The following PRKG1 variants were observed in gnomAD, a reference collection of about 807,000 sequenced individuals.
PRKG1 encodes protein kinase cGMP-dependent 1, also known as cGMP-dependent protein kinase 1.
PRKG1 carries 35 observed loss-of-function variants against 88.1 expected under a neutral mutation model. The observed-to-expected ratio is 0.40, with a 90% confidence interval of 0.30 to 0.53. The LOEUF (loss-of-function observed/expected upper bound fraction) is 0.53, where lower values mean the gene tolerates loss of function less well. Among genes scored for constraint, PRKG1 ranks in the 20% least tolerant of loss-of-function variants. The pLI is 0.59. For missense variants in PRKG1, 540 were observed against 839.8 expected (o/e 0.64, Z 4.41); for synonymous variants, 303 against 292.5 (o/e 1.04, Z -0.37).
chr10:52,114,027 A>G (rs1469723467), intron 7 of PRKG1, among the ~76,000 whole-genome samples: 1 of 152,150 alleles, frequency 6.6e-6, no homozygotes, highest in Non-Finnish European at 1.5e-5. Context: ...TCAGATACAG[A>G]AGCATAAAAT....
intron 3 of PRKG1, among the ~76,000 whole-genome samples, chr10:51,765,982 C>A (rs188464001): frequency 1.6e-4 from 24 of 152,096 alleles, no homozygotes; most frequent in African/African-American, 4.6e-4. Context: ...TGAGTACACT[C>A]TTCCTGGCTT....
intron 3 of PRKG1, among the ~76,000 whole-genome samples, chr10:51,549,803 T>C (rs1462588684): frequency 3.9e-5 from 6 of 152,258 alleles, no homozygotes; most frequent in South Asian, 2.1e-4. Context: ...ATTGACTTTT[T>C]TGAGAGCAGC....
chr10:51,525,026 G>C (rs977181855), intron 3 of PRKG1, among the ~76,000 whole-genome samples: 1 of 151,992 alleles, frequency 6.6e-6, no homozygotes, highest in Admixed American at 6.6e-5. Context: ...TTCCCTAAGG[G>C]CTTTAAGCAG....
intron 1 of PRKG1, among the ~76,000 whole-genome samples, chr10:51,017,730 A>C (rs1319435484): frequency 6.6e-6 from 1 of 152,066 alleles, no homozygotes; most frequent in African/African-American, 2.4e-5. Flanking sequence ...CATCATTTTT[A>C]TATCTTCAGG....
chr10:51,939,144 C>T lies in PRKG1; in HGVS notation c.762+31574C>T, dbSNP rs1438741049. ...ACTTCAGCTATTATCTTATTTTATT[C>T]TCTTAGTGTTGCTCCATTGTCACCA... On this transcript the variant is annotated intron_variant, in intron 5 of 17. Coordinates refer to ENST00000373980, the MANE Select transcript of PRKG1 (RefSeq NM_006258.4). Among the ~76,000 whole-genome samples the T allele has an allele frequency of 2.0e-5, 3 of 151,942 alleles. No homozygotes were observed. In the East Asian group the frequency reaches 5.8e-4, roughly 29 times the overall value.
intron 2 of PRKG1, among the ~76,000 whole-genome samples, chr10:51,445,512 A>G (rs757999460): frequency 1.1e-4 from 17 of 152,058 alleles, no homozygotes; most frequent in Non-Finnish European, 2.4e-4. Context: ...TATGCCACAT[A>G]TCAGCTTTAG....
chr10:51,113,408 T>C (rs1265113324), intron 1 of PRKG1, among the ~76,000 whole-genome samples: 4 of 152,116 alleles, frequency 2.6e-5, no homozygotes, highest in Admixed American at 2.6e-4. Context: ...CTGTGAATAG[T>C]TATTATCCCA....
At chr10:52,134,458 C>T (rs1402798338) in intron 8 of PRKG1, among the ~76,000 whole-genome samples, 1 of 151,902 alleles carries the variant, frequency 6.6e-6, no homozygotes. Flanking sequence ...AATGTCTATC[C>T]CTGTTTCTTC....
At chr10:51,188,962 C>T (rs1564632153) in intron 2 of PRKG1, among the ~76,000 whole-genome samples, 1 of 151,832 alleles carries the variant, frequency 6.6e-6, no homozygotes, top group Admixed American at 6.6e-5. Flanking sequence ...AAGTATCTCC[C>T]TTTTGTGGGA....
chr10:51,670,680 G>T (rs1175064626), intron 3 of PRKG1, among the ~76,000 whole-genome samples: 1 of 147,764 alleles, frequency 6.8e-6, no homozygotes, highest in Admixed American at 6.8e-5. Context: ...AGCTTGCAGT[G>T]AGCCGAGATC....
intron 2 of PRKG1, among the ~76,000 whole-genome samples, chr10:51,205,127 C>CTTTCTTTTTTTTTTATTTT: frequency 1.6e-5 from 1 of 64,030 alleles, no homozygotes; most frequent in Non-Finnish European, 3.0e-5. Context: ...ATTTTCTTTT[C>CTTTCTTTTTTTTTTATTTT]TTTTTTTTTT....
chr10:51,977,380 A>G (rs1843872621), intron 5 of PRKG1, among the ~76,000 whole-genome samples: 1 of 151,964 alleles, frequency 6.6e-6, no homozygotes, highest in Non-Finnish European at 1.5e-5. Context: ...ATTGATGGGC[A>G]TTAGATTGAT....
rs79907010 is a variant in PRKG1, at chr10:51,161,232, G to GT, written c.478+7912dup. ...GTAGGTGATTAAGCTGACTAATACA[G>GT]TTTTTTTTTTGGCTAAAATATATAA... On this transcript the variant is annotated intron_variant, in intron 2 of 17. Coordinates refer to ENST00000373980, the MANE Select transcript of PRKG1 (RefSeq NM_006258.4). Among the ~76,000 whole-genome samples the GT allele has an allele frequency of 1.7e-3, 251 of 146,858 alleles. 4 individuals carry two copies. The East Asian group carries it at 0.026, about 15-fold the overall frequency.
intron 1 of PRKG1, among the ~76,000 whole-genome samples, chr10:51,030,870 T>C (rs1052774508): frequency 3.3e-5 from 5 of 152,206 alleles, no homozygotes; most frequent in Non-Finnish European, 7.3e-5. Flanking sequence ...TGCAGAGCCA[T>C]CAGCCATTTA....
intron 5 of PRKG1, among the ~76,000 whole-genome samples, chr10:51,966,144 C>T (rs1200167179): frequency 6.6e-6 from 1 of 152,024 alleles, no homozygotes; most frequent in East Asian, 1.9e-4. Flanking sequence ...AAACATAAAT[C>T]GTTTCTGAAT....
chr10:51,258,603 A>C lies in PRKG1; in HGVS notation c.478+105273A>C, dbSNP rs374842237. Among the ~76,000 whole-genome samples the C allele has an allele frequency of 2.6e-5, 4 of 152,190 alleles. No homozygotes were observed. The South Asian group carries it at 8.3e-4, about 32-fold the overall frequency. Reference sequence around the variant, plus strand: ...TTCTGCTTCCACCTCTGTGAGGTGTAAGTCCTGCCACAGTCTAGTCAGTGG... The same window carrying C: ...TTCTGCTTCCACCTCTGTGAGGTGTCAGTCCTGCCACAGTCTAGTCAGTGG... On this transcript the variant is annotated intron_variant, in intron 2 of 17. Coordinates refer to ENST00000373980, the MANE Select transcript of PRKG1 (RefSeq NM_006258.4).
At chr10:52,280,966 A>G in intron 13 of PRKG1, 36 bp downstream of exon 13, 1 of 1,580,210 alleles carries the variant, frequency 6.3e-7, no homozygotes, top group East Asian at 2.3e-5. Flanking sequence ...TGCCCTGCAG[A>G]TTAAAAATAT....
intron 9 of PRKG1, among the ~76,000 whole-genome samples, chr10:52,208,230 C>T (rs940143136): frequency 5.3e-5 from 8 of 152,112 alleles, no homozygotes; most frequent in Non-Finnish European, 8.8e-5. Context: ...GTGAGTCTTC[C>T]TTTCTTATGT....
chr10:51,272,503 T>TG (rs1479163051), intron 2 of PRKG1, among the ~76,000 whole-genome samples: 1 of 149,492 alleles, frequency 6.7e-6, no homozygotes, highest in Non-Finnish European at 1.5e-5. Flanking sequence ...CTTAAAGTTT[T>TG]GTTTTTTTTT....
Sources: allele counts gnomAD v4.1 joint callset (sites outside exome capture counted in the v4.1 genomes callset), GRCh38; gene constraint gnomAD v4.1.1; transcripts MANE v1.5; gene names NCBI Gene and HGNC (gene_info 2026-07-23, HGNC 2026-07-21).